ATP2C1: variants seen among roughly 807,000 people sequenced by gnomAD.
The protein encoded by ATP2C1 is calcium-transporting ATPase type 2C member 1.
Under a neutral mutation model 120.5 loss-of-function variants are expected in ATP2C1, and 31 were observed. That is an observed-to-expected ratio of 0.26 (90% CI 0.19 to 0.35). ATP2C1 has a LOEUF of 0.35. Among genes scored for constraint, ATP2C1 ranks in the 10% least tolerant of loss-of-function variants. The probability of loss-of-function intolerance (pLI) is 1.00; values close to 1 mark genes in which losing one functional copy is unlikely to be tolerated. For synonymous variants in ATP2C1, 351 were observed against 358.7 expected, an observed-to-expected ratio of 0.98 and a Z score of 0.24; for missense variants, 731 against 1,107.5, an observed-to-expected ratio of 0.66 and a Z score of 4.83.
At chr3:130,926,318 A>G (rs2059203432) in intron 2 of ATP2C1, among the ~76,000 whole-genome samples, 1 of 152,232 alleles carries the variant, frequency 6.6e-6, no homozygotes, top group Non-Finnish European at 1.5e-5. Context: ...ATGTGTATCT[A>G]CCTACAAAGT....
chr3:130,853,354 A>T (rs1435024936), intron 1 of ATP2C1, among the ~76,000 whole-genome samples: 2 of 152,196 alleles, frequency 1.3e-5, no homozygotes, highest in East Asian at 3.8e-4. Flanking sequence ...AGGAATTAAA[A>T]GGTAGATAAT....
chr3:130,912,813 T>C (rs1367951622), intron 2 of ATP2C1, among the ~76,000 whole-genome samples: 1 of 151,960 alleles, frequency 6.6e-6, no homozygotes. Flanking sequence ...TGTATGTTTA[T>C]TGCGGCATTA....
At chr3:130,888,194 G>A (rs2069044327) in intron 1 of ATP2C1, among the ~76,000 whole-genome samples, 2 of 152,126 alleles carry the variant, frequency 1.3e-5, no homozygotes, top group South Asian at 4.1e-4. Flanking sequence ...TGACTGAGCT[G>A]GTATGCAAGA....
chr3:130,981,669 C>T (rs1296421098), intron 20 of ATP2C1, among the ~76,000 whole-genome samples: 2 of 152,008 alleles, frequency 1.3e-5, no homozygotes, highest in African/African-American at 4.8e-5. Flanking sequence ...ATTTTGCAAC[C>T]CCACCAGCAG....
intron 1 of ATP2C1, among the ~76,000 whole-genome samples, chr3:130,884,939 T>C (rs1455771797): frequency 1.3e-5 from 2 of 148,876 alleles, no homozygotes; most frequent in East Asian, 3.9e-4. Context: ...TCTTTTTTTT[T>C]TTTTTTTTTT....
intron 2 of ATP2C1, among the ~76,000 whole-genome samples, chr3:130,921,423 A>AT (rs979552650): frequency 1.2e-4 from 18 of 151,886 alleles, no homozygotes; most frequent in African/African-American, 2.2e-4. Context: ...ATTTGGATGT[A>AT]TTTTTTTTAT....
intron 20 of ATP2C1, among the ~76,000 whole-genome samples, chr3:130,984,652 A>G (rs1269889500): frequency 6.6e-6 from 1 of 152,214 alleles, no homozygotes; most frequent in Non-Finnish European, 1.5e-5. Context: ...GTAATCTCTA[A>G]TGTTGAAATC....
In ATP2C1 at chr3:130,954,861, A is replaced by C. The variant is rs571203201; in HGVS notation, c.688-151A>C. On this transcript the variant is annotated intron_variant, in intron 9 of 27. Coordinates refer to ENST00000510168, the MANE Select transcript of ATP2C1 (RefSeq NM_001378687.1). Reference sequence around the variant, plus strand: ...GCAAATGCTAATGACAGGAACATAAAAAAGTAAATTTGCTGAGGAAATCTT... The same window carrying C: ...GCAAATGCTAATGACAGGAACATAACAAAGTAAATTTGCTGAGGAAATCTT... 1.3e-5 allele frequency: 9 copies of C among 670,486 alleles called. No homozygotes were observed. The South Asian group carries it at 1.4e-4, about 10-fold the overall frequency. The allele number at this position is 670,486 out of a possible 1,614,324, so 41.5% of individuals were successfully genotyped here.
Position 130,954,494 on chromosome 3 carries a change from G to GT in ATP2C1, c.688-509dup, listed in dbSNP as rs887884908. Among the ~76,000 whole-genome samples the GT allele has an allele frequency of 2.0e-4, 31 of 151,240 alleles. 1 individual carries two copies. Among genetic ancestry groups the GT allele is most frequent in the South Asian group, 4.2e-4 (2 of 4,750 alleles). On this transcript the variant is annotated intron_variant, in intron 9 of 27. Coordinates refer to ENST00000510168, the MANE Select transcript of ATP2C1 (RefSeq NM_001378687.1). The stretch of plus-strand genomic sequence containing the variant: ...GGCCTCAGAATTGAGTCTGCTATAC[G>GT]TTTTTTTTTGAGACGGAGTCTCACT...
intron 2 of ATP2C1, among the ~76,000 whole-genome samples, chr3:130,907,071 T>C (rs1368799467): frequency 7.5e-6 from 1 of 132,778 alleles, no homozygotes; most frequent in Admixed American, 7.3e-5. Context: ...TCTTTATATA[T>C]ATGTGTGTAC....
chr3:130,918,522 C>A, intron 2 of ATP2C1: 1 of 756,642 alleles, frequency 1.3e-6, no homozygotes. Context: ...GCTGAACACT[C>A]TGGCTTGATG....
chr3:130,971,034 A>C (rs752200861), intron 17 of ATP2C1, among the ~76,000 whole-genome samples: 23 of 152,220 alleles, frequency 1.5e-4, no homozygotes, highest in Non-Finnish European at 2.9e-4. Context: ...CTTTCACTTT[A>C]AACGTTTTAA....
At chr3:130,986,573 G>A (rs2062022056) in intron 20 of ATP2C1, among the ~76,000 whole-genome samples, 1 of 152,178 alleles carries the variant, frequency 6.6e-6, no homozygotes, top group Non-Finnish European at 1.5e-5. Context: ...ATATCCTGAT[G>A]CTATTCCAAG....
intron 8 of ATP2C1, among the ~76,000 whole-genome samples, chr3:130,951,455 C>G (rs1265590160): frequency 1.3e-5 from 2 of 152,070 alleles, no homozygotes; most frequent in Non-Finnish European, 2.9e-5. Context: ...TAGCATAGTG[C>G]CTAGCAGATG....
chr3:130,976,693 C>T (rs947968384), intron 18 of ATP2C1, among the ~76,000 whole-genome samples: 4 of 152,026 alleles, frequency 2.6e-5, no homozygotes, highest in African/African-American at 9.7e-5. Context: ...TGCCCTGGAT[C>T]CCCCCACCTC....
chr3:130,856,380 A>G (rs975581513), intron 1 of ATP2C1, among the ~76,000 whole-genome samples: 2 of 152,208 alleles, frequency 1.3e-5, no homozygotes, highest in African/African-American at 4.8e-5. Context: ...AAAGAAAACT[A>G]TATTGAGATT....
intron 2 of ATP2C1, chr3:130,918,301 A>G: frequency 1.3e-6 from 2 of 1,558,738 alleles, no homozygotes; most frequent in East Asian, 4.5e-5. Flanking sequence ...ACCCTTTACA[A>G]TAGATTTCAC....
chr3:130,988,419 ACT>A (rs1205138080), intron 20 of ATP2C1, among the ~76,000 whole-genome samples: 1 of 152,014 alleles, frequency 6.6e-6, no homozygotes, highest in Non-Finnish European at 1.5e-5. Flanking sequence ...GCCTTGTTCT[ACT>A]CTCTTTGATG....
At chr3:130,961,634 T>C (rs1576895543) in intron 12 of ATP2C1, among the ~76,000 whole-genome samples, 2 of 152,084 alleles carry the variant, frequency 1.3e-5, no homozygotes, top group South Asian at 2.1e-4. Context: ...AGTTTTCTTA[T>C]TGTGTTGCCT....
Sources: allele counts gnomAD v4.1 joint callset (sites outside exome capture counted in the v4.1 genomes callset), GRCh38; gene constraint gnomAD v4.1.1; transcripts MANE v1.5; gene names NCBI Gene and HGNC (gene_info 2026-07-23, HGNC 2026-07-21).